The following RNF220 variants were observed in gnomAD, a reference collection of about 807,000 sequenced individuals.
The protein encoded by RNF220 is E3 ubiquitin-protein ligase RNF220.
In RNF220, 7 loss-of-function variants were observed where a neutral mutation model predicts 67.1. That is an observed-to-expected ratio of 0.10 (90% confidence interval 0.06 to 0.20). The LOEUF (loss-of-function observed/expected upper bound fraction) is 0.20. Ranked by LOEUF, RNF220 falls within the 10% of genes least tolerant of loss-of-function variation. The probability of loss-of-function intolerance (pLI) is 1.00; values close to 1 mark genes in which losing one functional copy is unlikely to be tolerated. For synonymous variants in RNF220, 270 were observed against 283.2 expected, an observed-to-expected ratio of 0.95 and a Z score of 0.47; for missense variants, 565 against 740.3, an observed-to-expected ratio of 0.76 and a Z score of 2.75.
intron 2 of RNF220, among the ~76,000 whole-genome samples, chr1:44,514,700 A>G (rs1214752827): frequency 6.6e-6 from 1 of 152,342 alleles, no homozygotes; most frequent in East Asian, 1.9e-4. Flanking sequence ...TAAAAAAGAT[A>G]TATCTTTTGG....
intron 2 of RNF220, among the ~76,000 whole-genome samples, chr1:44,464,050 G>A (rs1654044220): frequency 6.6e-6 from 1 of 152,138 alleles, no homozygotes; most frequent in South Asian, 2.1e-4. Context: ...AGAAAGGAGG[G>A]GGCATACTAT....
chr1:44,471,332 G>A (rs916084718), intron 2 of RNF220, among the ~76,000 whole-genome samples: 5 of 152,126 alleles, frequency 3.3e-5, no homozygotes, highest in African/African-American at 7.2e-5. Context: ...AGGCTGAGGC[G>A]GGAGAATCGC....
In RNF220 at chr1:44,412,221, T is replaced by C; in HGVS notation, c.124T>C (p.Cys42Arg). Residue 42 changes from cysteine to arginine, a missense_variant, in exon 2 of 15, where the codon TGT becomes CGT. Transcript: ENST00000361799. The surrounding 1 kb of genome is among the most constrained non-coding windows in gnomAD (Gnocchi z 5.3). ...GGCCAGCCGTGATGCTTCCATCCCT[T>C]GTCAGCAGCCACGACCCTTTGGTGT... ...AEASRDASIP[C>R]QQPRPFGVPV... 6.2e-7 allele frequency: 1 copy of C among 1,614,200 alleles called. No homozygotes were observed. The highest frequency in any genetic ancestry group is 1.1e-5 in the South Asian group (1 of 91,088).
At chr1:44,529,036 T>A (rs921458235) in intron 2 of RNF220, among the ~76,000 whole-genome samples, 4 of 152,246 alleles carry the variant, frequency 2.6e-5, no homozygotes, top group African/African-American at 9.6e-5. Flanking sequence ...AATTTTGTAA[T>A]GTGTAGCAAA....
chr1:44,564,550 C>T (rs1205418330), intron 2 of RNF220, among the ~76,000 whole-genome samples: 2 of 151,924 alleles, frequency 1.3e-5, no homozygotes, highest in African/African-American at 4.8e-5. Flanking sequence ...CTCAGGAGTT[C>T]GAGATCAGCC....
intron 2 of RNF220, among the ~76,000 whole-genome samples, chr1:44,560,808 C>T (rs1376563255): frequency 6.6e-6 from 1 of 151,976 alleles, no homozygotes; most frequent in East Asian, 1.9e-4. Flanking sequence ...GTGATCCGCC[C>T]CCTCAGCCTC....
At chr1:44,557,835 T>G (rs1395573814) in intron 2 of RNF220, among the ~76,000 whole-genome samples, 1 of 152,206 alleles carries the variant, frequency 6.6e-6, no homozygotes, top group African/African-American at 2.4e-5. Context: ...ATTTGTGATT[T>G]GTGATTTCCT....
intron 2 of RNF220, among the ~76,000 whole-genome samples, chr1:44,443,398 T>A (rs1012258168): frequency 6.6e-6 from 1 of 152,242 alleles, no homozygotes; most frequent in African/African-American, 2.4e-5. Flanking sequence ...ACTCTCCTGC[T>A]GTCTTAGCAC....
intron 2 of RNF220, among the ~76,000 whole-genome samples, chr1:44,432,531 A>G (rs1327198344): frequency 6.6e-6 from 1 of 151,338 alleles, no homozygotes; most frequent in Admixed American, 6.6e-5. Context: ...TGGCCTCCCA[A>G]AGTGCTGGGA....
At chr1:44,428,369 G>C (rs1223006089) in intron 2 of RNF220, among the ~76,000 whole-genome samples, 1 of 152,130 alleles carries the variant, frequency 6.6e-6, no homozygotes, top group Non-Finnish European at 1.5e-5. Context: ...GAATCACTGG[G>C]AAATTTGAAC....
intron 2 of RNF220, among the ~76,000 whole-genome samples, chr1:44,587,214 C>G (rs573049485): frequency 1.4e-4 from 20 of 138,798 alleles, no homozygotes; most frequent in African/African-American, 5.2e-4. Context: ...GTGGCACAAT[C>G]TCGGCTCACG....
At chr1:44,609,642 G>A (rs767170935) in intron 2 of RNF220, among the ~76,000 whole-genome samples, 2 of 152,228 alleles carry the variant, frequency 1.3e-5, no homozygotes, top group Admixed American at 6.5e-5. Flanking sequence ...GCAGCAGAGG[G>A]CTGATCTAGG....
chr1:44,649,596 G>A lies in RNF220; in HGVS notation c.1446-65G>A. The stretch of plus-strand genomic sequence containing the variant: ...TATTTGGTTCTGGAATTCAAGGGAG[G>A]CGTAGGCTGGAGGTACAGATGAGAG... On this transcript the variant is annotated intron_variant, in intron 12 of 14. Transcript: ENST00000361799. The surrounding 1 kb of genome is among the most constrained non-coding windows in gnomAD (Gnocchi z 5.9). 1 of 1,432,682 alleles carries A rather than the reference G, an allele frequency of 7.0e-7. No individual in the cohort carries two copies. Among genetic ancestry groups the A allele is most frequent in the Non-Finnish European group, 9.8e-7 (1 of 1,016,578 alleles). 88.7% of individuals were successfully genotyped at this position (1,432,682 alleles called of 1,614,324 possible). A position where few individuals can be genotyped will look rare whatever the true frequency, so the allele number is the denominator to read the frequency against.
At chr1:44,477,214 C>T (rs1033836890) in intron 2 of RNF220, among the ~76,000 whole-genome samples, 1 of 152,204 alleles carries the variant, frequency 6.6e-6, no homozygotes, top group Non-Finnish European at 1.5e-5. Flanking sequence ...CAGTATCCAC[C>T]AGTCTTAATC....
intron 2 of RNF220, among the ~76,000 whole-genome samples, chr1:44,612,824 A>G (rs1398736251): frequency 3.5e-4 from 2 of 5,666 alleles, no homozygotes; most frequent in South Asian, 5.8e-3. Flanking sequence ...GAATCTGGCA[A>G]CCCCTTAGGC....
chr1:44,528,349 G>A (rs1021663426), intron 2 of RNF220, among the ~76,000 whole-genome samples: 2 of 151,322 alleles, frequency 1.3e-5, no homozygotes, highest in African/African-American at 4.9e-5. Context: ...CACCCAGGCT[G>A]GAGTCCAGTG....
At chr1:44,507,697 C>A (rs533817827) in intron 2 of RNF220, among the ~76,000 whole-genome samples, 1 of 152,108 alleles carries the variant, frequency 6.6e-6, no homozygotes, top group Non-Finnish European at 1.5e-5. Flanking sequence ...AATGAAGCCC[C>A]GCCAGCACAG....
intron 2 of RNF220, chr1:44,423,738 C>T (rs946420249): frequency 1.0e-5 from 6 of 598,706 alleles, no homozygotes; most frequent in South Asian, 7.3e-5. Flanking sequence ...CTAGAGTACT[C>T]GCTTGGCCGT....
At chr1:44,620,848 G>C (rs972219392) in intron 3 of RNF220, among the ~76,000 whole-genome samples, 1 of 151,976 alleles carries the variant, frequency 6.6e-6, no homozygotes, top group South Asian at 2.1e-4. Flanking sequence ...CCATATCTAC[G>C]CATGTGTTTA....
Sources: gnomAD v4.1 joint callset for allele counts (sites outside exome capture counted in the v4.1 genomes callset) on GRCh38, gnomAD v4.1.1 for gene constraint, Gnocchi (gnomAD v3.1) non-coding constraint, MANE v1.5 for transcripts, NCBI Gene and HGNC (gene_info 2026-07-23, HGNC 2026-07-21) for gene names.